Variants in HIRA observed in about 807,000 individuals in gnomAD.
HIRA encodes the protein protein HIRA.
In HIRA, 13 loss-of-function variants were observed where a neutral mutation model predicts 126.6. That is an observed-to-expected ratio of 0.10 (90% confidence interval 0.07 to 0.16). The LOEUF (loss-of-function observed/expected upper bound fraction) is 0.16. Among genes scored for constraint, HIRA ranks in the 10% least tolerant of loss-of-function variants. The pLI, the probability that HIRA is intolerant of heterozygous loss-of-function variation, is 1.00. For synonymous variants in HIRA, 511 were observed against 520.0 expected, an observed-to-expected ratio of 0.98 and a Z score of 0.24; for missense variants, 834 against 1,314.4, an observed-to-expected ratio of 0.63 and a Z score of 5.65.
chr22:19,334,565 T>A (rs2088541272), intron 24 of HIRA, among the ~76,000 whole-genome samples: 1 of 151,080 alleles, frequency 6.6e-6, no homozygotes, highest in South Asian at 2.1e-4. Flanking sequence ...GGCGGCTGGA[T>A]CACTTGAGGT....
chr22:19,368,192 C>T (rs1601822409), intron 15 of HIRA, among the ~76,000 whole-genome samples: 1 of 152,166 alleles, frequency 6.6e-6, no homozygotes, highest in Non-Finnish European at 1.5e-5. Flanking sequence ...CCCTGCTAGT[C>T]ACCTGGGTCA....
chr22:19,355,902 TG>T, intron 20 of HIRA, 37 bp from the exon 21 acceptor site: 1 of 1,414,834 alleles, frequency 7.1e-7, no homozygotes, highest in Non-Finnish European at 1.0e-6. Context: ...GGGTGTGCTC[TG>T]ATCAGCAAGT....
At chr22:19,429,133 C>CTT (rs57853722) in intron 1 of HIRA, among the ~76,000 whole-genome samples, 2,392 of 77,336 alleles carry the variant, frequency 0.031, 129 homozygotes, top group African/African-American at 0.042. Context: ...GTTGCCATAT[C>CTT]TTTTTTTTTT....
intron 1 of HIRA, among the ~76,000 whole-genome samples, chr22:19,428,202 G>A (rs1484199138): frequency 2.0e-5 from 3 of 152,270 alleles, no homozygotes; most frequent in East Asian, 3.9e-4. Flanking sequence ...TCACTACAAC[G>A]TGACAACTTC....
At chr22:19,421,160 G>A (rs978098768) in intron 1 of HIRA, among the ~76,000 whole-genome samples, 6 of 152,162 alleles carry the variant, frequency 3.9e-5, no homozygotes, top group African/African-American at 1.4e-4. Flanking sequence ...TTTATTGGGT[G>A]TGGTGGCAAG....
At chr22:19,425,721 C>T (rs1344467085) in intron 1 of HIRA, among the ~76,000 whole-genome samples, 1 of 152,160 alleles carries the variant, frequency 6.6e-6, no homozygotes, top group Non-Finnish European at 1.5e-5. Flanking sequence ...CGGTGGCTCA[C>T]ACCTGTAATA....
At chr22:19,331,674 C>T (rs1300528931) in intron 24 of HIRA, 118 bp from the exon 25 acceptor site, 23 of 963,568 alleles carry the variant, frequency 2.4e-5, no homozygotes, top group Non-Finnish European at 3.3e-5. Context: ...AAGAACAATT[C>T]CTCTGCAGGT....
chr22:19,384,322 C>CAA (rs71317140), intron 12 of HIRA, among the ~76,000 whole-genome samples: 4,449 of 66,118 alleles, frequency 0.067, 360 homozygotes, highest in African/African-American at 0.16. Flanking sequence ...GACTCCATCT[C>CAA]AAAAAAAAAA....
At chr22:19,427,733 A>C (rs990973832) in intron 1 of HIRA, among the ~76,000 whole-genome samples, 1 of 152,210 alleles carries the variant, frequency 6.6e-6, no homozygotes, top group Non-Finnish European at 1.5e-5. Context: ...GCTGAGCATA[A>C]GCGCTGTCTG....
chr22:19,426,814 A>G (rs946168402), intron 1 of HIRA, among the ~76,000 whole-genome samples: 1 of 152,240 alleles, frequency 6.6e-6, no homozygotes, highest in African/African-American at 2.4e-5. Flanking sequence ...GTCTTCAGGC[A>G]TAAGTCAGGA....
intron 15 of HIRA, 45 bp downstream of exon 15, chr22:19,375,586 C>A (rs888403716): frequency 1.9e-6 from 3 of 1,604,088 alleles, no homozygotes; most frequent in Non-Finnish European, 2.6e-6. Context: ...TTGACCCATG[C>A]CTGCACCCTG....
chr22:19,393,304 T>C (rs973388369), intron 8 of HIRA, among the ~76,000 whole-genome samples: 5 of 152,250 alleles, frequency 3.3e-5, no homozygotes, highest in Non-Finnish European at 7.3e-5. Flanking sequence ...ATAAGTAATA[T>C]TTTATTCATA....
chr22:19,408,200 G>A (rs2089322811), intron 3 of HIRA, among the ~76,000 whole-genome samples: 1 of 152,114 alleles, frequency 6.6e-6, no homozygotes, highest in South Asian at 2.1e-4. Context: ...ACCCTACTGT[G>A]TCCAGGTCGC....
In HIRA at chr22:19,344,467, A is replaced by G. The variant is rs547219697; in HGVS notation, c.2937+6891T>C. Among the ~76,000 whole-genome samples, 3 of 152,328 alleles carry G rather than the reference A, an allele frequency of 2.0e-5. No homozygotes were observed. In the South Asian group the frequency reaches 6.2e-4, roughly 32 times the overall value. On this transcript the variant is annotated intron_variant, in intron 24 of 24. Transcript: ENST00000263208. ...CCAAGACTGGCTCATAAAGAAATTA[A>G]AAATCTGGACGGATCTCTAATGAGC...
At chr22:19,413,002 G>A (rs972334524) in intron 1 of HIRA, among the ~76,000 whole-genome samples, 1 of 152,188 alleles carries the variant, frequency 6.6e-6, no homozygotes, top group African/African-American at 2.4e-5. Context: ...CCCAAGGGTT[G>A]AGTAAGAGTT....
Position 19,356,901 on chromosome 22 carries a change from T to C in HIRA, c.2385A>G (p.Thr795=). The C allele has an allele frequency of 1.9e-6, 3 of 1,613,452 alleles. No homozygotes were observed. Among genetic ancestry groups the C allele is most frequent in the Non-Finnish European group, 2.5e-6 (3 of 1,179,880 alleles). The stretch of plus-strand genomic sequence containing the variant: ...TGCCTGCCTCTCACCAGACAGAGAG[T>C]GTGGCTGCAGCGGTGAGCGCCATGA... ...SYVMALTAAA[T]LSVWDVHRQV... Residue 795 remains threonine (T), a synonymous_variant, in exon 19 of 25, where the codon ACA becomes ACG. Transcript: ENST00000263208.
chr22:19,342,800 C>T (rs1165267456), intron 24 of HIRA, among the ~76,000 whole-genome samples: 2 of 152,166 alleles, frequency 1.3e-5, no homozygotes, highest in Admixed American at 1.3e-4. Flanking sequence ...CTTGTACACA[C>T]GTTTATAGCA....
rs747415523 is a variant in HIRA, at chr22:19,375,802, A to C, written c.1614-10T>G. 4.3e-6 allele frequency: 7 copies of C among 1,613,790 alleles called. No individual in the cohort carries two copies. Among genetic ancestry groups the C allele is most frequent in the African/African-American group, 1.3e-5 (1 of 74,918 alleles). The stretch of plus-strand genomic sequence containing the variant: ...AGAGGTAGCATTCATACTGGGGTGA[A>C]GAAGAGGGGAGGCATGTCAAGCGCA... On this transcript the variant is annotated splice_polypyrimidine_tract_variant and intron_variant, in intron 14 of 24. Coordinates refer to ENST00000263208, the MANE Select transcript of HIRA (RefSeq NM_003325.4).
chr22:19,375,560 C>T, intron 15 of HIRA, 71 bp downstream of exon 15: 1 of 1,526,600 alleles, frequency 6.6e-7, no homozygotes, highest in South Asian at 1.2e-5. Flanking sequence ...TTGGTGGGAA[C>T]ACTGCCACTG....
Sources: gnomAD v4.1 joint callset for allele counts (sites outside exome capture counted in the v4.1 genomes callset) on GRCh38, gnomAD v4.1.1 for gene constraint, MANE v1.5 for transcripts, NCBI Gene and HGNC (gene_info 2026-07-23, HGNC 2026-07-21) for gene names.